The following HIVEP3 variants were observed in gnomAD, a reference collection of about 807,000 sequenced individuals.
The protein encoded by HIVEP3 is transcription factor HIVEP3.
Under a neutral mutation model 152.8 loss-of-function variants are expected in HIVEP3, and 49 were observed. The ratio of observed to expected loss-of-function variants is 0.32; its 90% confidence interval spans 0.26 to 0.41. The LOEUF (loss-of-function observed/expected upper bound fraction) is 0.41. HIVEP3 is among the 10% of genes least tolerant of loss of function. The pLI, the probability that HIVEP3 is intolerant of heterozygous loss-of-function variation, is 1.00. For synonymous variants in HIVEP3, 1,269 were observed against 1,289.0 expected (o/e 0.98, Z 0.33); for missense variants, 2,790 against 3,103.3 (o/e 0.90, Z 2.40).
At chr1:41,653,953 CAAAAAAAAAAAAAAAAAAA>C (rs55707109) in intron 2 of HIVEP3, among the ~76,000 whole-genome samples, 1 of 46,194 alleles carries the variant, frequency 2.2e-5, no homozygotes, top group Non-Finnish European at 3.7e-5. Context: ...TTTTCTACTG[CAAAAAAAAAAAAAAAAAAA>C]AAAAAAAAAA....
intron 1 of HIVEP3, among the ~76,000 whole-genome samples, chr1:41,946,175 A>G (rs1223632637): frequency 6.6e-6 from 1 of 152,234 alleles, no homozygotes; most frequent in Non-Finnish European, 1.5e-5. Flanking sequence ...AGATTGTCCA[A>G]GTAGAAATAA....
intron 1 of HIVEP3, among the ~76,000 whole-genome samples, chr1:41,886,952 A>G (rs1480908263): frequency 6.6e-6 from 1 of 152,158 alleles, no homozygotes; most frequent in East Asian, 1.9e-4. Flanking sequence ...GGTGGGAATT[A>G]CACAAAATAT....
At chr1:41,702,556 A>G (rs1290072902) in intron 1 of HIVEP3, among the ~76,000 whole-genome samples, 1 of 152,196 alleles carries the variant, frequency 6.6e-6, no homozygotes, top group Non-Finnish European at 1.5e-5. Flanking sequence ...GATGTACATA[A>G]AACCTCAACA....
Position 41,513,445 on chromosome 1 carries a change from C to A in HIVEP3, c.5776G>T (p.Ala1926Ser), listed in dbSNP as rs1205583597. 3 of 1,611,878 alleles carry A rather than the reference C, an allele frequency of 1.9e-6. No individual in the cohort carries two copies. The highest frequency in any genetic ancestry group is 2.5e-6 in the Non-Finnish European group (3 of 1,179,654). The stretch of plus-strand genomic sequence containing the variant: ...TGGCTGGACATGGAGCAGCTGCTGG[C>A]TGTCAGGCGCTCAGCTTCCGAGACC... ...SSVSEAERLT[A>S]SSCSMSSQSM... is the part of the protein sequence containing the mutation. The change falls in exon 8 of 9, where the codon GCC (alanine) becomes TCC (serine). Residue 1926 changes from alanine (A) to serine (S), a missense_variant. By Grantham distance (99) the Ala-to-Ser change is moderately conservative. Around this residue, in one of 9 missense-constraint regions of HIVEP3, gnomAD observed 816 missense variants for 806.5 expected, o/e 1.01. Transcript: ENST00000372583.
intron 1 of HIVEP3, among the ~76,000 whole-genome samples, chr1:41,954,111 G>C (rs1645125471): frequency 1.3e-5 from 2 of 152,178 alleles, no homozygotes; most frequent in South Asian, 4.1e-4. Context: ...CCAGGACATG[G>C]AATAGAAGAG....
intron 5 of HIVEP3, among the ~76,000 whole-genome samples, chr1:41,565,562 A>G (rs1644149845): frequency 6.6e-6 from 1 of 150,896 alleles, no homozygotes; most frequent in South Asian, 2.1e-4. Context: ...ACACAGAGAG[A>G]GAGAGAGGGC....
intron 2 of HIVEP3, among the ~76,000 whole-genome samples, chr1:41,693,440 A>G (rs142661487): frequency 6.6e-6 from 1 of 152,226 alleles, no homozygotes; most frequent in Non-Finnish European, 1.5e-5. Flanking sequence ...CATGCTTTGT[A>G]TCCTCTGTAT....
At position 41,575,572 on chromosome 1, in the gene HIVEP3, G is replaced by A; in HGVS notation, c.5179C>T (p.Pro1727Ser). 1 of 1,614,062 alleles carries A rather than the reference G, an allele frequency of 6.2e-7. No homozygotes were observed. The highest frequency in any genetic ancestry group is 8.5e-7 in the Non-Finnish European group (1 of 1,180,004). ...EDAPASQRGE[P>S]ARIKIFEGGY... is the part of the protein sequence containing the mutation. ...CCTTCGAAGATTTTGATCCTCGCCG[G>A]CTCCCCTCTCTGGGAGGCAGGAGCA... Residue 1727 changes from proline to serine, a missense_variant, in exon 5 of 9, where the codon CCG (proline) becomes TCG (serine). Physicochemically the swap from Pro to Ser is moderately conservative, Grantham distance 74. This residue lies in a region of HIVEP3 where 1,078 missense variants were observed against 1,165.3 expected (regional missense o/e 0.93). Coordinates refer to ENST00000372583, the MANE Select transcript of HIVEP3 (RefSeq NM_024503.5).
chr1:42,006,251 G>A (rs1570886530), intron 1 of HIVEP3, among the ~76,000 whole-genome samples: 1 of 152,042 alleles, frequency 6.6e-6, no homozygotes. Context: ...GTGGAGGGTG[G>A]GGGGAGGCTG....
At chr1:41,890,001 G>A (rs1644422397) in intron 1 of HIVEP3, among the ~76,000 whole-genome samples, 1 of 152,228 alleles carries the variant, frequency 6.6e-6, no homozygotes, top group African/African-American at 2.4e-5. Context: ...ACAGCACAGT[G>A]GTTAAGAGAA....
At chr1:41,785,270 T>C (rs1214548851) in intron 1 of HIVEP3, among the ~76,000 whole-genome samples, 1 of 152,156 alleles carries the variant, frequency 6.6e-6, no homozygotes, top group East Asian at 1.9e-4. Flanking sequence ...AAAAGTTGTT[T>C]TCAGTTTTCC....
chr1:41,674,564 C>T (rs968513914), intron 2 of HIVEP3, among the ~76,000 whole-genome samples: 4 of 152,178 alleles, frequency 2.6e-5, no homozygotes, highest in South Asian at 4.1e-4. Context: ...CTCCCTGCCC[C>T]GTACCCAGGA....
intron 1 of HIVEP3, among the ~76,000 whole-genome samples, chr1:41,896,084 G>A (rs1471933155): frequency 1.3e-5 from 2 of 152,134 alleles, no homozygotes; most frequent in Non-Finnish European, 2.9e-5. Context: ...AGTGGTGGAG[G>A]GGGTACTTCT....
At chr1:41,597,723 A>C (rs1385679420) in intron 3 of HIVEP3, among the ~76,000 whole-genome samples, 2 of 152,176 alleles carry the variant, frequency 1.3e-5, no homozygotes, top group Non-Finnish European at 2.9e-5. Context: ...CAGGTAACCA[A>C]ACACTGTTTT....
chr1:41,962,644 G>A (rs183706896), intron 1 of HIVEP3, among the ~76,000 whole-genome samples: 5 of 152,340 alleles, frequency 3.3e-5, no homozygotes, highest in South Asian at 2.1e-4. Flanking sequence ...TGGGGATACT[G>A]ACTTGATTCT....
chr1:42,008,211 A>T (rs1429896047), intron 1 of HIVEP3, among the ~76,000 whole-genome samples: 4 of 152,208 alleles, frequency 2.6e-5, no homozygotes, highest in African/African-American at 9.6e-5. Flanking sequence ...GTCACATGAA[A>T]TCTGTGCCAC....
intron 1 of HIVEP3, among the ~76,000 whole-genome samples, chr1:41,755,227 G>T (rs528470096): frequency 6.6e-6 from 1 of 152,098 alleles, no homozygotes; most frequent in African/African-American, 2.4e-5. Context: ...TTTAACAAGC[G>T]GTGCTAGAAA....
chr1:42,003,434 G>A (rs1401404281), intron 1 of HIVEP3, among the ~76,000 whole-genome samples: 3 of 151,904 alleles, frequency 2.0e-5, no homozygotes, highest in Non-Finnish European at 4.4e-5. Context: ...TAATATAAAT[G>A]AGCCCCTGTT....
intron 1 of HIVEP3, among the ~76,000 whole-genome samples, chr1:42,005,370 T>G (rs1485617165): frequency 6.6e-6 from 1 of 152,114 alleles, no homozygotes; most frequent in African/African-American, 2.4e-5. Flanking sequence ...CATGCACATA[T>G]ACATATATAT....
Sources: gnomAD v4.1 joint callset for allele counts (sites outside exome capture counted in the v4.1 genomes callset) on GRCh38, gnomAD v4.1.1 for gene constraint, gnomAD v4.1.1 regional missense constraint, MANE v1.5 for transcripts, NCBI Gene and HGNC (gene_info 2026-07-23, HGNC 2026-07-21) for gene names.